ATP9B: variants seen among roughly 807,000 people sequenced by gnomAD.
The protein encoded by ATP9B is probable phospholipid-transporting ATPase IIB.
A neutral mutation model predicts 146.1 loss-of-function variants in ATP9B; 110 were observed. The observed-to-expected ratio is 0.75, with a 90% confidence interval of 0.65 to 0.88. The LOEUF is 0.88. Ranked by LOEUF, ATP9B falls within the 40% of genes least tolerant of loss-of-function variation. The pLI is 0.00. For synonymous variants in ATP9B, 604 were observed against 569.7 expected (o/e 1.06, Z -0.86); for missense variants, 1,499 against 1,496.4 (o/e 1.00, Z -0.03).
intron 11 of ATP9B, among the ~76,000 whole-genome samples, chr18:79,232,659 C>T (rs1027931851): frequency 1.6e-4 from 24 of 152,230 alleles, no homozygotes; most frequent in Non-Finnish European, 2.5e-4. Context: ...TCAGGTATGA[C>T]GCAGATTTTT....
chr18:79,346,435 G>A (rs1008697062), intron 23 of ATP9B, among the ~76,000 whole-genome samples: 20 of 151,074 alleles, frequency 1.3e-4, no homozygotes, highest in South Asian at 2.1e-4. Context: ...ACGTCAGCAC[G>A]TGCTCAGCGC....
Position 79,345,601 on chromosome 18 carries a change from A to T in ATP9B, c.2617+29A>T, listed in dbSNP as rs760638278. 5 of 1,601,004 alleles carry T rather than the reference A, an allele frequency of 3.1e-6. No homozygotes were observed. In the African/African-American group the frequency reaches 4.0e-5, roughly 13 times the overall value. On this transcript the variant is annotated intron_variant, in intron 22 of 29. Coordinates refer to ENST00000426216, the MANE Select transcript of ATP9B (RefSeq NM_198531.5). The stretch of plus-strand genomic sequence containing the variant: ...AGAGCCGCCCACCCTGCTCACAGGG[A>T]GGTCTCCAGAGAAACCCGTAGGCTG...
chr18:79,122,321 T>TA lies in ATP9B; in HGVS notation c.559-3945dup, dbSNP rs377481569. On this transcript the variant is annotated intron_variant, in intron 4 of 29. Coordinates refer to ENST00000426216, the MANE Select transcript of ATP9B (RefSeq NM_198531.5). ...GAGTCTGTAGCAGTAAGTCTTCTCT[T>TA]ACGTGGGAATAGCTGCAGACAAGTA... 4.0e-3 allele frequency among the ~76,000 whole-genome samples: 606 copies of TA among 152,306 alleles called. 9 individuals are homozygous for TA. The highest frequency in any genetic ancestry group is 0.014 in the African/African-American group (584 of 41,572).
chr18:79,228,868 T>TA (rs977805882), intron 11 of ATP9B, among the ~76,000 whole-genome samples: 7 of 151,536 alleles, frequency 4.6e-5, no homozygotes, highest in Non-Finnish European at 7.4e-5. Flanking sequence ...CTACTAAAAA[T>TA]AAAAAAAATT....
intron 25 of ATP9B, among the ~76,000 whole-genome samples, chr18:79,350,867 C>G (rs534405197): frequency 5.0e-4 from 75 of 150,490 alleles, no homozygotes; most frequent in African/African-American, 1.8e-3. Flanking sequence ...CTCCTAGGTT[C>G]AAGTGATTCT....
At chr18:79,191,366 G>A (rs557259058) in intron 8 of ATP9B, among the ~76,000 whole-genome samples, 70 of 152,220 alleles carry the variant, frequency 4.6e-4, no homozygotes, top group South Asian at 2.1e-3. Context: ...CTGGCTGACA[G>A]TAAATTTGGC....
Position 79,136,119 on chromosome 18 carries a change from GTATTAATACAACTAAT to G in ATP9B, c.668-7664_668-7649del, listed in dbSNP as rs528129955. On this transcript the variant is annotated intron_variant, in intron 5 of 29. Coordinates refer to ENST00000426216, the MANE Select transcript of ATP9B (RefSeq NM_198531.5). Reference sequence around the variant, plus strand: ...CCTACATCTAACAACTAATACTAGTGTATTAATACAACTAATTATTAATACAACTAATTAATACAAC... The same window carrying G: ...CCTACATCTAACAACTAATACTAGTGTATTAATACAACTAATTAATACAAC... 3.1e-3 allele frequency among the ~76,000 whole-genome samples: 470 copies of G among 152,236 alleles called. 6 individuals are homozygous for G. Among genetic ancestry groups the G allele is most frequent in the African/African-American group, 0.011 (441 of 41,538 alleles).
chr18:79,110,591 G>C, intron 3 of ATP9B, 86 bp downstream of exon 3: 1 of 1,326,070 alleles, frequency 7.5e-7, no homozygotes, highest in South Asian at 1.6e-5. Flanking sequence ...TTGAGACTCT[G>C]ACTTAGGTAT....
intron 1 of ATP9B, among the ~76,000 whole-genome samples, chr18:79,075,626 C>G (rs2072512597): frequency 2.0e-5 from 3 of 152,202 alleles, no homozygotes; most frequent in Non-Finnish European, 4.4e-5. Context: ...GCTACCTCTG[C>G]TTTCCTTCAA....
intron 13 of ATP9B, 71 bp from the exon 14 acceptor site, chr18:79,303,533 A>G (rs1343144071): frequency 8.1e-6 from 10 of 1,231,610 alleles, no homozygotes; most frequent in Non-Finnish European, 1.1e-5. Context: ...GCATGCCTGC[A>G]TGGTAGGAAA....
intron 4 of ATP9B, among the ~76,000 whole-genome samples, chr18:79,114,747 C>T (rs1005195666): frequency 8.5e-5 from 13 of 152,098 alleles, no homozygotes; most frequent in South Asian, 4.1e-4. Context: ...AAAACTGTAA[C>T]ACTGTGGCGC....
chr18:79,095,416 C>A (rs2074704655), intron 1 of ATP9B, among the ~76,000 whole-genome samples: 1 of 152,158 alleles, frequency 6.6e-6, no homozygotes, highest in Admixed American at 6.5e-5. Flanking sequence ...CCTGTTTTCC[C>A]CCTAAGCTGC....
chr18:79,373,922 TG>T lies in ATP9B; in HGVS notation c.3097del (p.Val1033CysfsTer18). 2 of 1,613,224 alleles carry T rather than the reference TG, an allele frequency of 1.2e-6. No homozygotes were observed. Among genetic ancestry groups the T allele is most frequent in the Non-Finnish European group, 8.5e-7 (1 of 1,180,020 alleles). On this transcript the variant is annotated frameshift_variant, in exon 28 of 30. Transcript: ENST00000426216. LOFTEE classifies it high-confidence loss of function. ...YQGGILMYGA[L>X]VLFESEFVHV... ...GGCGGCATCCTCATGTATGGGGCCC[TG>T]GTGCTCTTCGAGTCTGAGTTCGTCC...
chr18:79,107,410 G>C (rs930943779), intron 2 of ATP9B, among the ~76,000 whole-genome samples: 1 of 152,114 alleles, frequency 6.6e-6, no homozygotes, highest in South Asian at 2.1e-4. Flanking sequence ...TCATTTGGAC[G>C]GTCCAGGCCT....
intron 19 of ATP9B, 150 bp from the exon 20 acceptor site, chr18:79,342,118 T>C: frequency 1.6e-6 from 1 of 618,604 alleles, no homozygotes; most frequent in South Asian, 1.8e-5. Flanking sequence ...AATACTCCAT[T>C]GTATGTATGG....
At chr18:79,353,535 A>G (rs1252727932) in intron 25 of ATP9B, 1 of 152,302 alleles carries the variant, frequency 6.6e-6, no homozygotes, top group East Asian at 1.9e-4. Context: ...GAGTCCTGAC[A>G]CCGCTGGCCC....
intron 7 of ATP9B, among the ~76,000 whole-genome samples, chr18:79,173,907 A>G (rs2095118676): frequency 6.6e-6 from 1 of 152,210 alleles, no homozygotes; most frequent in African/African-American, 2.4e-5. Flanking sequence ...GGACAATGAT[A>G]GTCATGAAGT....
intron 11 of ATP9B, among the ~76,000 whole-genome samples, chr18:79,236,767 G>T (rs1314021572): frequency 4.1e-5 from 6 of 145,970 alleles, no homozygotes; most frequent in Non-Finnish European, 4.5e-5. Context: ...GTCCGTGCAC[G>T]AGTCAGTGTC....
At chr18:79,095,205 C>G (rs1029616800) in intron 1 of ATP9B, among the ~76,000 whole-genome samples, 3 of 152,220 alleles carry the variant, frequency 2.0e-5, no homozygotes, top group African/African-American at 7.2e-5. Flanking sequence ...CACCAACAAG[C>G]CTTTCAAGAG....
Sources: gnomAD v4.1 joint callset for allele counts (sites outside exome capture counted in the v4.1 genomes callset) on GRCh38, gnomAD v4.1.1 for gene constraint, MANE v1.5 for transcripts, NCBI Gene and HGNC (gene_info 2026-07-23, HGNC 2026-07-21) for gene names.